TRA2A: variants seen among roughly 807,000 people sequenced by gnomAD.
TRA2A encodes transformer-2 protein homolog alpha.
In TRA2A, 31 loss-of-function variants were observed where a neutral mutation model predicts 45.7. The ratio of observed to expected loss-of-function variants is 0.68; its 90% CI spans 0.51 to 0.92. TRA2A has a LOEUF of 0.92. TRA2A is among the 40% of genes least tolerant of loss of function. TRA2A has a pLI of 0.00. For synonymous variants in TRA2A, 132 were observed against 126.2 expected (o/e 1.05, Z -0.31); for missense variants, 304 against 367.5 (o/e 0.83, Z 1.41).
chr7:23,507,568 A>T, intron 4 of TRA2A, 33 bp from the exon 5 acceptor site: 1 of 1,440,876 alleles, frequency 6.9e-7, no homozygotes, highest in Non-Finnish European at 9.8e-7. Context: ...GTCACGTATA[A>T]TTCACCAGTC....
intron 4 of TRA2A, among the ~76,000 whole-genome samples, chr7:23,510,566 G>A (rs1400988680): frequency 6.6e-6 from 1 of 151,942 alleles, no homozygotes; most frequent in East Asian, 1.9e-4. Flanking sequence ...GACCTCAGGT[G>A]ATCTGCCCGC....
intron 6 of TRA2A, 76 bp from the exon 7 acceptor site, chr7:23,505,889 C>A: frequency 1.1e-6 from 1 of 930,148 alleles, no homozygotes; most frequent in Admixed American, 2.7e-5. Flanking sequence ...AATTCCTCAT[C>A]ATTCAAAATA....
chr7:23,523,228 G>A (rs1213176831), intron 1 of TRA2A, among the ~76,000 whole-genome samples: 2 of 152,082 alleles, frequency 1.3e-5, no homozygotes, highest in African/African-American at 4.8e-5. Context: ...CATAATTTAT[G>A]CATTTATGTA....
chr7:23,517,679 C>T (rs778915916), intron 2 of TRA2A, among the ~76,000 whole-genome samples: 1 of 150,468 alleles, frequency 6.6e-6, no homozygotes, highest in African/African-American at 2.4e-5. Context: ...TTTGGGAGGC[C>T]GAGGCAGGCA....
At chr7:23,506,110 G>C (rs769467372) in intron 6 of TRA2A, 28 bp downstream of exon 6, 2 of 1,577,016 alleles carry the variant, frequency 1.3e-6, no homozygotes, top group Admixed American at 3.5e-5. Flanking sequence ...ATCTAATTTA[G>C]AACAGAAAGC....
chr7:23,529,988 T>TA (rs956413424), intron 1 of TRA2A, among the ~76,000 whole-genome samples: 109 of 151,212 alleles, frequency 7.2e-4, no homozygotes, highest in African/African-American at 2.6e-3. Context: ...GATGATAAAT[T>TA]AAAAAAAGAA....
At chr7:23,506,448 CATAATCAAGAAGGGCTTCACA>C in intron 5 of TRA2A, 182 bp from the exon 6 acceptor site, 1 of 608,382 alleles carries the variant, frequency 1.6e-6, no homozygotes, top group African/African-American at 1.8e-5. Flanking sequence ...TCCCTACATA[CATAATCAAGAAGGGCTTCACA>C]AAACTCTCAA....
chr7:23,508,962 G>C (rs1789468070), intron 4 of TRA2A, among the ~76,000 whole-genome samples: 1 of 152,058 alleles, frequency 6.6e-6, no homozygotes, highest in Non-Finnish European at 1.5e-5. Context: ...AAAGAACTCT[G>C]AGAGTATTAT....
At chr7:23,525,215 TTCTC>T (rs1009364366) in intron 1 of TRA2A, among the ~76,000 whole-genome samples, 1 of 152,252 alleles carries the variant, frequency 6.6e-6, no homozygotes, top group African/African-American at 2.4e-5. Flanking sequence ...GCTAATCCTT[TTCTC>T]TCTGACTCGT....
intron 4 of TRA2A, among the ~76,000 whole-genome samples, chr7:23,510,538 G>C (rs1362836556): frequency 1.3e-5 from 2 of 151,896 alleles, no homozygotes; most frequent in East Asian, 1.9e-4. Flanking sequence ...CTGTTGGCCA[G>C]GCTGGTCTTG....
chr7:23,514,269 T>G (rs1346054753), intron 3 of TRA2A, among the ~76,000 whole-genome samples: 1 of 152,026 alleles, frequency 6.6e-6, no homozygotes, highest in South Asian at 2.1e-4. Context: ...GGTTTCTCCA[T>G]GTTGGTCAGC....
In TRA2A at chr7:23,531,907, C is replaced by T; in HGVS notation, c.-83G>A. On this transcript the variant is annotated 5_prime_UTR_variant, in exon 1 of 8. Coordinates refer to ENST00000297071, the MANE Select transcript of TRA2A (RefSeq NM_013293.5). ...GGCCTAATTAACCCGCTGACTGGACCGTGGGGAAGAGGAAAGAGTCGGCAA... is the reference window on the plus strand; with the variant it reads ...GGCCTAATTAACCCGCTGACTGGACTGTGGGGAAGAGGAAAGAGTCGGCAA... 2 of 1,504,238 alleles carry T rather than the reference C, an allele frequency of 1.3e-6. No homozygotes were observed. Among genetic ancestry groups the T allele is most frequent in the Non-Finnish European group, 1.8e-6 (2 of 1,089,102 alleles). 93.2% of individuals were successfully genotyped at this position (1,504,238 alleles called of 1,614,324 possible). A position where few individuals can be genotyped will look rare whatever the true frequency, so the allele number is the denominator to read the frequency against.
chr7:23,522,780 C>G (rs746496659), intron 1 of TRA2A, among the ~76,000 whole-genome samples: 2 of 152,200 alleles, frequency 1.3e-5, no homozygotes, highest in East Asian at 3.9e-4. Flanking sequence ...ATTTTCACTA[C>G]TTTATAATCT....
intron 1 of TRA2A, among the ~76,000 whole-genome samples, chr7:23,525,873 G>A (rs1213366337): frequency 6.6e-6 from 1 of 152,164 alleles, no homozygotes; most frequent in African/African-American, 2.4e-5. Context: ...TGGGATTACA[G>A]GCATGAGCCA....
chr7:23,513,205 G>A (rs1789706176), intron 3 of TRA2A, 123 bp from the exon 4 acceptor site: 6 of 735,988 alleles, frequency 8.2e-6, no homozygotes, highest in East Asian at 5.6e-5. Context: ...ATAATTTGGA[G>A]ATAAGATTTT....
chr7:23,513,409 G>T (rs1789714623), intron 3 of TRA2A, among the ~76,000 whole-genome samples: 1 of 152,150 alleles, frequency 6.6e-6, no homozygotes. Context: ...CCTGAGGTTA[G>T]GAGTTCGAGA....
At position 23,507,234 on chromosome 7, in the gene TRA2A, G is replaced by A. The variant is rs868302913; in HGVS notation, c.641+186C>T. ...CTGTGCCTCAGCTCCCGAGCAGCTG[G>A]GATTACAGGCATGTGCCACCACACC... is the stretch of plus-strand genomic sequence containing the variant. On this transcript the variant is annotated intron_variant, in intron 5 of 7. Coordinates refer to ENST00000297071, the MANE Select transcript of TRA2A (RefSeq NM_013293.5). 60 of 554,202 alleles carry A rather than the reference G, an allele frequency of 1.1e-4. No individual in the cohort carries two copies. The Middle Eastern group carries it at 1.9e-3, about 17-fold the overall frequency. The allele number at this position is 554,202 out of a possible 1,614,324, so 34.3% of individuals were successfully genotyped here.
At chr7:23,528,781 C>T (rs559587908) in intron 1 of TRA2A, among the ~76,000 whole-genome samples, 1 of 152,140 alleles carries the variant, frequency 6.6e-6, no homozygotes, top group South Asian at 2.1e-4. Context: ...AATTCTCCCA[C>T]CTCAGCCTCC....
chr7:23,518,040 G>C (rs1789966759), intron 2 of TRA2A, among the ~76,000 whole-genome samples: 1 of 151,914 alleles, frequency 6.6e-6, no homozygotes, highest in African/African-American at 2.4e-5. Context: ...CCAGGCTCAA[G>C]AAATTCTTCC....
Sources: gnomAD v4.1 joint callset for allele counts (sites outside exome capture counted in the v4.1 genomes callset) on GRCh38, gnomAD v4.1.1 for gene constraint, MANE v1.5 for transcripts, NCBI Gene and HGNC (gene_info 2026-07-23, HGNC 2026-07-21) for gene names.